Variants in SLC24A2 observed in about 807,000 individuals in gnomAD.
SLC24A2 encodes the protein sodium/potassium/calcium exchanger 2.
In SLC24A2, 36 loss-of-function variants were observed where a neutral mutation model predicts 62.0. The observed-to-expected ratio is 0.58, with a 90% CI of 0.44 to 0.77. The LOEUF (loss-of-function observed/expected upper bound fraction) is 0.77. SLC24A2 is among the 30% of genes least tolerant of loss of function. The pLI is 0.00. For missense variants in SLC24A2, 846 were observed against 817.9 expected, an observed-to-expected ratio of 1.03 and a Z score of -0.42; for synonymous variants, 358 against 294.0, an observed-to-expected ratio of 1.22 and a Z score of -2.23.
chr9:20,135,071 T>C, the SLC24A2 span, among the ~76,000 whole-genome samples: 7 of 152,258 alleles, frequency 4.6e-5, no homozygotes, highest in Non-Finnish European at 7.4e-5. Context: ...AGCCTCCATG[T>C]GCCCAGCATT....
chr9:20,124,504 T>A, the SLC24A2 span, among the ~76,000 whole-genome samples: 1 of 152,128 alleles, frequency 6.6e-6, no homozygotes, highest in Non-Finnish European at 1.5e-5. Flanking sequence ...CCAACTGCAT[T>A]TTGATGACTT....
chr9:19,908,008 A>T, the SLC24A2 span, among the ~76,000 whole-genome samples: 1 of 152,210 alleles, frequency 6.6e-6, no homozygotes, highest in Admixed American at 6.5e-5. Flanking sequence ...TGGAACCAAA[A>T]AAGTGCCCGC....
At chr9:19,729,298 A>G (rs1198219889) in intron 2 of SLC24A2, among the ~76,000 whole-genome samples, 1 of 152,220 alleles carries the variant, frequency 6.6e-6, no homozygotes, top group Non-Finnish European at 1.5e-5. Flanking sequence ...GCCGCTATGG[A>G]AAATAGTATG....
At chr9:19,833,253 G>A in the SLC24A2 span, among the ~76,000 whole-genome samples, 1 of 152,178 alleles carries the variant, frequency 6.6e-6, no homozygotes, top group Non-Finnish European at 1.5e-5. Flanking sequence ...GCAGTGCACT[G>A]TGTGTGAGCC....
chr9:19,892,899 T>A, the SLC24A2 span, among the ~76,000 whole-genome samples: 1 of 152,098 alleles, frequency 6.6e-6, no homozygotes, highest in Non-Finnish European at 1.5e-5. Flanking sequence ...AAAATCTGCC[T>A]CATTTGTCTA....
At chr9:20,250,715 A>C in the SLC24A2 span, among the ~76,000 whole-genome samples, 51 of 152,346 alleles carry the variant, frequency 3.3e-4, no homozygotes, top group Admixed American at 1.3e-3. Flanking sequence ...AAAGCTCAAC[A>C]TTGTTATATC....
the SLC24A2 span, among the ~76,000 whole-genome samples, chr9:20,034,677 C>A: frequency 6.6e-6 from 1 of 151,968 alleles, no homozygotes; most frequent in African/African-American, 2.4e-5. Context: ...ACCGTGTTAG[C>A]CAGGATGGTC....
At chr9:19,675,795 G>C (rs1819544724) in intron 2 of SLC24A2, among the ~76,000 whole-genome samples, 1 of 152,128 alleles carries the variant, frequency 6.6e-6, no homozygotes, top group Non-Finnish European at 1.5e-5. Context: ...AGGGTTTTCA[G>C]GTTTTGTGCC....
chr9:19,552,251 C>T (rs1439455863), intron 7 of SLC24A2, among the ~76,000 whole-genome samples: 1 of 152,168 alleles, frequency 6.6e-6, no homozygotes, highest in Non-Finnish European at 1.5e-5. Flanking sequence ...GTGGATATAG[C>T]AGGTGTAGAG....
chr9:19,951,882 A>G, the SLC24A2 span, among the ~76,000 whole-genome samples: 1 of 152,066 alleles, frequency 6.6e-6, no homozygotes, highest in African/African-American at 2.4e-5. Flanking sequence ...CCTCACAAGG[A>G]TTTTAATTGG....
the SLC24A2 span, among the ~76,000 whole-genome samples, chr9:20,077,410 T>C: frequency 6.6e-6 from 1 of 152,118 alleles, no homozygotes; most frequent in Non-Finnish European, 1.5e-5. Flanking sequence ...ACCTCAAATA[T>C]ACATAATACA....
At position 19,622,338 on chromosome 9, in the gene SLC24A2, A is replaced by G. The variant is rs372017089; in HGVS notation, c.931-39T>C. 115 of 1,589,364 alleles carry G rather than the reference A, an allele frequency of 7.2e-5. No individual in the cohort carries two copies. In the African/African-American group the frequency reaches 1.3e-3, roughly 18 times the overall value. On this transcript the variant is annotated intron_variant, in intron 2 of 10. Transcript: ENST00000341998. ...AAAGGCAAAGACAAAAGACAAAGAA[A>G]TAAATAAATGAAGAATCACATATGG...
the SLC24A2 span, among the ~76,000 whole-genome samples, chr9:20,246,116 G>C: frequency 6.6e-6 from 1 of 152,116 alleles, no homozygotes; most frequent in African/African-American, 2.4e-5. Context: ...TATCAAGGTA[G>C]AGATTTCTAA....
intron 2 of SLC24A2, among the ~76,000 whole-genome samples, chr9:19,708,982 G>C (rs575763457): frequency 6.6e-6 from 1 of 151,956 alleles, no homozygotes; most frequent in Non-Finnish European, 1.5e-5. Flanking sequence ...TACAAAATGG[G>C]AGAAAATTTT....
the SLC24A2 span, among the ~76,000 whole-genome samples, chr9:19,841,179 G>A: frequency 1.3e-5 from 2 of 152,144 alleles, no homozygotes; most frequent in Non-Finnish European, 2.9e-5. Context: ...GAACAAAAAA[G>A]CATCTCTGTT....
chr9:20,306,150 T>C, the SLC24A2 span, among the ~76,000 whole-genome samples: 6 of 152,224 alleles, frequency 3.9e-5, no homozygotes, highest in Non-Finnish European at 7.3e-5. Context: ...CCCACAGCAC[T>C]GGGTGAGCCA....
chr9:20,212,989 G>A, the SLC24A2 span, among the ~76,000 whole-genome samples: 1 of 151,666 alleles, frequency 6.6e-6, no homozygotes, highest in East Asian at 1.9e-4. Flanking sequence ...ATAGACACAG[G>A]GACGGGAACA....
intron 2 of SLC24A2, among the ~76,000 whole-genome samples, chr9:19,643,491 T>G (rs1587085136): frequency 6.6e-6 from 1 of 152,158 alleles, no homozygotes; most frequent in East Asian, 1.9e-4. Flanking sequence ...TTGGGGTATA[T>G]TTCTCTGTAT....
chr9:20,073,604 A>G, the SLC24A2 span, among the ~76,000 whole-genome samples: 8 of 151,994 alleles, frequency 5.3e-5, no homozygotes, highest in Admixed American at 2.0e-4. Context: ...GTCATTTATT[A>G]TATGTAATGT....
Sources: gnomAD v4.1 joint callset for allele counts (sites outside exome capture counted in the v4.1 genomes callset) on GRCh38, gnomAD v4.1.1 for gene constraint, MANE v1.5 for transcripts, NCBI Gene and HGNC (gene_info 2026-07-23, HGNC 2026-07-21) for gene names.